The following TEX15 variants were observed in gnomAD, a reference collection of about 807,000 sequenced individuals.
TEX15 encodes testis-expressed protein 15.
Under a neutral mutation model 237.3 loss-of-function variants are expected in TEX15, and 171 were observed. That is an observed-to-expected ratio of 0.72 (90% CI 0.64 to 0.82). The LOEUF (loss-of-function observed/expected upper bound fraction) is 0.82, where lower values mean the gene tolerates loss of function less well. Ranked by LOEUF, TEX15 falls within the 40% of genes least tolerant of loss-of-function variation. TEX15 has a pLI of 0.00. For synonymous variants in TEX15, 1,338 were observed against 1,269.8 expected, an observed-to-expected ratio of 1.05 and a Z score of -1.14; for missense variants, 3,750 against 3,646.5, an observed-to-expected ratio of 1.03 and a Z score of -0.73.
In TEX15 at chr8:30,874,916, GTTT is replaced by G. The variant is rs1808370287; in HGVS notation, c.302+18_302+20del. 3 of 1,272,836 alleles carry G rather than the reference GTTT, an allele frequency of 2.4e-6. No homozygotes were observed. The African/African-American group carries it at 4.6e-5, about 19-fold the overall frequency. The allele number at this position is 1,272,836 out of a possible 1,614,324, so 78.8% of individuals were successfully genotyped here. A position where few individuals can be genotyped will look rare whatever the true frequency, so the allele number is the denominator to read the frequency against. Reference sequence around the variant, plus strand: ...ACAAACACAACAAAATCTCAAACACGTTTAGATCATAGTAACTTACCTCTTAGC... The same window carrying G: ...ACAAACACAACAAAATCTCAAACACGAGATCATAGTAACTTACCTCTTAGC... On this transcript the variant is annotated intron_variant, in intron 4 of 10. Transcript: ENST00000643185.
chr8:30,847,940 G>C lies in TEX15; in HGVS notation c.2227C>G (p.Gln743Glu). ...CCCAATTTCAGTTCCATTAGCTTTT[G>C]AGCAATGGCTAAACTTGTATGAATG... Reference protein sequence around the residue: ...GNIHTSLAIAQKLMELKLGKI... With the variant: ...GNIHTSLAIAEKLMELKLGKI... Residue 743 changes from glutamine to glutamate, a missense_variant, in exon 8 of 11, where the codon CAA becomes GAA. Gln to Glu is a conservative substitution (Grantham distance 29). Transcript: ENST00000643185. 6.2e-7 allele frequency: 1 copy of C among 1,613,914 alleles called. No homozygotes were observed. The highest frequency in any genetic ancestry group is 8.5e-7 in the Non-Finnish European group (1 of 1,179,944).
At chr8:30,867,216 AT>A (rs1488743408) in intron 5 of TEX15, 48 bp downstream of exon 5, 5 of 886,490 alleles carry the variant, frequency 5.6e-6, no homozygotes, top group Non-Finnish European at 8.7e-6. Flanking sequence ...GTTCAGGTCA[AT>A]TCAAAGCAAA....
In TEX15 at chr8:30,844,334, C is replaced by T. The variant is rs372916771; in HGVS notation, c.5833G>A (p.Ala1945Thr). Residue 1945 changes from alanine (A) to threonine (T), a missense_variant, in exon 8 of 11, where the codon GCC (alanine) becomes ACC (threonine). By Grantham distance (58) the Ala-to-Thr change is moderately conservative. Transcript: ENST00000643185. Reference protein sequence around the residue: ...QSDLTLHSEIAYISKPGILGV... With the variant: ...QSDLTLHSEITYISKPGILGV... ...AGAATTCCTGGTTTGGAAATATAGGCTATTTCTGAATGTAATGTCAAGTCA... is the reference window on the plus strand; with the variant it reads ...AGAATTCCTGGTTTGGAAATATAGGTTATTTCTGAATGTAATGTCAAGTCA... 6.2e-7 allele frequency: 1 copy of T among 1,612,618 alleles called. No individual in the cohort carries two copies. Among genetic ancestry groups the T allele is most frequent in the Non-Finnish European group, 8.5e-7 (1 of 1,179,400 alleles).
chr8:30,866,726 TACACAC>T (rs148604518), intron 5 of TEX15, among the ~76,000 whole-genome samples: 2 of 148,950 alleles, frequency 1.3e-5, no homozygotes, highest in Admixed American at 1.3e-4. Context: ...GACACACACA[TACACAC>T]ACACACACAC....
In TEX15 at chr8:30,848,908, G is replaced by C. The variant is rs1337778677; in HGVS notation, c.1259C>G (p.Thr420Ser). Residue 420 changes from threonine (T) to serine (S), a missense_variant, in exon 8 of 11, where the codon ACT becomes AGT. By Grantham distance (58) the Thr-to-Ser change is moderately conservative. Transcript: ENST00000643185. ...LNASFPLHNN[T>S]GSSTVTTSKS... ...TGAAGTAGTGACTGTGCTTGAGCCA[G>C]TATTGTTGTGAAGAGGAAAAGAAGC... is the stretch of plus-strand genomic sequence containing the variant. The C allele has an allele frequency of 1.2e-6, 2 of 1,614,164 alleles. No homozygotes were observed. The highest frequency in any genetic ancestry group is 1.7e-5 in the Admixed American group (1 of 60,028).
intron 3 of TEX15, among the ~76,000 whole-genome samples, chr8:30,879,552 T>G (rs1039835739): frequency 1.1e-4 from 17 of 152,240 alleles, no homozygotes; most frequent in Non-Finnish European, 2.4e-4. Flanking sequence ...AATGCACCTT[T>G]GTTAAAAATC....
intron 10 of TEX15, among the ~76,000 whole-genome samples, chr8:30,835,128 AC>A (rs985032236): frequency 1.7e-4 from 26 of 151,852 alleles, no homozygotes; most frequent in Non-Finnish European, 3.1e-4. Flanking sequence ...ATTTTTTGGG[AC>A]TGGGTCTTCC....
intron 5 of TEX15, among the ~76,000 whole-genome samples, chr8:30,866,343 G>GGAAAGGA (rs201320532): frequency 2.0e-5 from 3 of 150,084 alleles, no homozygotes; most frequent in Non-Finnish European, 4.4e-5. Flanking sequence ...AGGGGAAAGG[G>GGAAAGGA]GAAAGGAGAA....
chr8:30,851,032 A>C (rs1478886374), intron 7 of TEX15, among the ~76,000 whole-genome samples: 1 of 152,338 alleles, frequency 6.6e-6, no homozygotes, highest in East Asian at 1.9e-4. Flanking sequence ...GGAAGTATAA[A>C]TTCGTACAAA....
intron 1 of TEX15, among the ~76,000 whole-genome samples, chr8:30,910,125 C>A (rs1180201094): frequency 6.6e-6 from 1 of 151,584 alleles, no homozygotes; most frequent in Non-Finnish European, 1.5e-5. Context: ...TTTTCTCTAA[C>A]TTGAAGAAAT....
In TEX15 at chr8:30,847,391, A is replaced by C. The variant is rs1807645147; in HGVS notation, c.2776T>G (p.Cys926Gly). Residue 926 changes from cysteine (C) to glycine (G), a missense_variant, in exon 8 of 11, where the codon TGC becomes GGC. By Grantham distance (159) the Cys-to-Gly change is radical. Coordinates refer to ENST00000643185, the MANE Select transcript of TEX15 (RefSeq NM_001350162.2). ...EEFSTKFNLI[C>G]REDNAVSAAT... ...GCTGACACTGCATTATCTTCTCTGC[A>C]AATCAAGTTAAATTTAGTAGAAAAT... 1 of 1,612,732 alleles carries C rather than the reference A, an allele frequency of 6.2e-7. No homozygotes were observed. Among genetic ancestry groups the C allele is most frequent in the Admixed American group, 1.7e-5 (1 of 59,850 alleles).
intron 5 of TEX15, among the ~76,000 whole-genome samples, chr8:30,863,682 A>G (rs944638425): frequency 6.6e-6 from 1 of 152,008 alleles, no homozygotes; most frequent in Non-Finnish European, 1.5e-5. Flanking sequence ...TAAAAAAAAA[A>G]TACTACTCAA....
Position 30,842,991 on chromosome 8 carries a change from C to G in TEX15, c.7176G>C (p.Leu2392Phe). The G allele has an allele frequency of 6.2e-7, 1 of 1,613,304 alleles. No individual in the cohort carries two copies. Among genetic ancestry groups the G allele is most frequent in the Non-Finnish European group, 8.5e-7 (1 of 1,179,702 alleles). ...ADLKKLQDLT[L>F]RCTDHLEILK... ...AAATTTCTAAGTGATCTGTACATCT[C>G]AAGGTGAGATCCTGTAATTTTTTAA... The change falls in exon 8 of 11, where the codon TTG (leucine) becomes TTC (phenylalanine). Residue 2392 changes from leucine (L) to phenylalanine (F), a missense_variant. Coordinates refer to ENST00000643185, the MANE Select transcript of TEX15 (RefSeq NM_001350162.2).
At position 30,848,043 on chromosome 8, in the gene TEX15, T is replaced by C. The variant is rs778315178; in HGVS notation, c.2124A>G (p.Ala708=). 1.7e-5 allele frequency: 28 copies of C among 1,613,818 alleles called. 1 individual carries two copies. In the South Asian group the frequency reaches 2.6e-4, roughly 15 times the overall value. ...IKDKDELDHL[A]LEWQITPSFE... is the part of the protein sequence containing the mutation. ...AACTTGGAGTAATTTGCCATTCCAA[T>C]GCTAGATGATCTAGTTCATCCTTAT... Residue 708 remains alanine (A), a synonymous_variant, in exon 8 of 11, where the codon GCA becomes GCG. Transcript: ENST00000643185.
intron 3 of TEX15, among the ~76,000 whole-genome samples, chr8:30,886,380 C>T (rs1463350024): frequency 6.6e-6 from 1 of 152,150 alleles, no homozygotes; most frequent in Non-Finnish European, 1.5e-5. Flanking sequence ...CATCCTCCAC[C>T]AACACTGTAG....
At chr8:30,851,946 C>CA (rs1000960080) in intron 7 of TEX15, among the ~76,000 whole-genome samples, 66 of 151,830 alleles carry the variant, frequency 4.3e-4, no homozygotes, top group African/African-American at 1.5e-3. Flanking sequence ...AACAAACAAG[C>CA]AAAAAAACCC....
At chr8:30,867,120 G>T in intron 5 of TEX15, 145 bp downstream of exon 5, 58 of 288,004 alleles carry the variant, frequency 2.0e-4, no homozygotes, top group Middle Eastern at 1.1e-3. Context: ...TTTGAATAAT[G>T]ATGACAAAAA....
Position 30,860,014 on chromosome 8 carries a change from T to C in TEX15, c.584A>G (p.Lys195Arg), listed in dbSNP as rs577630730. 194 of 1,509,156 alleles carry C rather than the reference T, an allele frequency of 1.3e-4. 3 individuals carry two copies. The South Asian group carries it at 2.5e-3, about 19-fold the overall frequency. The allele number at this position is 1,509,156 out of a possible 1,614,324, so 93.5% of individuals were successfully genotyped here. Residue 195 changes from lysine to arginine, a missense_variant, in exon 6 of 11, where the codon AAA (lysine) becomes AGA (arginine). Coordinates refer to ENST00000643185, the MANE Select transcript of TEX15 (RefSeq NM_001350162.2). ...AGAAGGATCCAAAGAAACTTTATTT[T>C]TATCCACAGAAGGTTGGATTTTCTT... ...KVKKIQPSVD[K>R]NKVSLDPSPN...
At chr8:30,852,748 A>G (rs1807816012) in intron 7 of TEX15, among the ~76,000 whole-genome samples, 1 of 152,174 alleles carries the variant, frequency 6.6e-6, no homozygotes, top group Admixed American at 6.5e-5. Context: ...CAAATCCAAC[A>G]TCTTCAATGC....
Sources: allele counts gnomAD v4.1 joint callset (sites outside exome capture counted in the v4.1 genomes callset), GRCh38; gene constraint gnomAD v4.1.1; transcripts MANE v1.5; gene names NCBI Gene and HGNC (gene_info 2026-07-23, HGNC 2026-07-21).